ADARB2: variants seen among roughly 807,000 people sequenced by gnomAD.
ADARB2 encodes the protein adenosine deaminase RNA specific B2 (inactive).
In ADARB2, 25 loss-of-function variants were observed where a neutral mutation model predicts 62.2. The observed-to-expected ratio is 0.40, with a 90% CI of 0.29 to 0.56. The LOEUF is 0.56. Ranked by LOEUF, ADARB2 falls within the 20% of genes least tolerant of loss-of-function variation. The pLI, the probability that ADARB2 is intolerant of heterozygous loss-of-function variation, is 0.43. For missense variants in ADARB2, 1,071 were observed against 1,077.4 expected, an observed-to-expected ratio of 0.99 and a Z score of 0.08; for synonymous variants, 572 against 500.8, an observed-to-expected ratio of 1.14 and a Z score of -1.90.
At chr10:1,333,056 C>G (rs931357764) in intron 3 of ADARB2, among the ~76,000 whole-genome samples, 4 of 152,198 alleles carry the variant, frequency 2.6e-5, no homozygotes, top group Admixed American at 2.0e-4. Flanking sequence ...ACTCCAATTG[C>G]AAGTGGCCAT....
At chr10:1,429,091 G>T (rs1237781552) in intron 1 of ADARB2, among the ~76,000 whole-genome samples, 3 of 152,138 alleles carry the variant, frequency 2.0e-5, no homozygotes, top group African/African-American at 7.2e-5. Flanking sequence ...TCTATATTCT[G>T]GTTGTGATGG....
chr10:1,663,662 C>T (rs899408300), intron 1 of ADARB2, among the ~76,000 whole-genome samples: 5 of 152,038 alleles, frequency 3.3e-5, no homozygotes, highest in Non-Finnish European at 7.4e-5. Flanking sequence ...CTCTGTCACC[C>T]AGGCTAGAGT....
At chr10:1,425,576 G>A (rs1402926291) in intron 1 of ADARB2, among the ~76,000 whole-genome samples, 6 of 152,186 alleles carry the variant, frequency 3.9e-5, no homozygotes, top group Non-Finnish European at 7.3e-5. Flanking sequence ...GGAGCACCGC[G>A]GTGTGGGAGC....
chr10:1,551,827 A>C (rs10903481), intron 1 of ADARB2, among the ~76,000 whole-genome samples: 87,499 of 152,086 alleles, frequency 0.58, 25,528 homozygotes, highest in East Asian at 0.76. Context: ...CAATGTACCA[A>C]ATAGACAGGT....
intron 3 of ADARB2, among the ~76,000 whole-genome samples, chr10:1,280,417 G>A (rs1257194721): frequency 6.6e-6 from 1 of 152,204 alleles, no homozygotes; most frequent in Non-Finnish European, 1.5e-5. Flanking sequence ...ACATGCAGGT[G>A]TGGACTATCC....
intron 1 of ADARB2, among the ~76,000 whole-genome samples, chr10:1,693,423 TCC>T: frequency 1.3e-5 from 2 of 152,152 alleles, no homozygotes; most frequent in Non-Finnish European, 2.9e-5. Flanking sequence ...TGTCATCTTC[TCC>T]TCTCTCGTTT....
chr10:1,248,609 G>T (rs184516962), intron 4 of ADARB2, among the ~76,000 whole-genome samples: 2 of 152,360 alleles, frequency 1.3e-5, no homozygotes, highest in Non-Finnish European at 1.5e-5. Flanking sequence ...GGATGGGGCG[G>T]CTGTGGTGCC....
At chr10:1,518,949 G>T (rs1318882857) in intron 1 of ADARB2, among the ~76,000 whole-genome samples, 1 of 151,442 alleles carries the variant, frequency 6.6e-6, no homozygotes, top group African/African-American at 2.4e-5. Context: ...GTGGTCATAC[G>T]CATGCATTCC....
At chr10:1,537,607 A>G (rs113663785) in intron 1 of ADARB2, among the ~76,000 whole-genome samples, 2,912 of 152,392 alleles carry the variant, frequency 0.019, 83 homozygotes, top group African/African-American at 0.066. Context: ...CATGGCATAT[A>G]TACAGCATGG....
At chr10:1,481,878 AG>A (rs1287778053) in intron 1 of ADARB2, among the ~76,000 whole-genome samples, 3 of 151,346 alleles carry the variant, frequency 2.0e-5, no homozygotes, top group African/African-American at 7.3e-5. Flanking sequence ...AAAAGAGAAT[AG>A]AAAAGAAATA....
chr10:1,724,855 G>A (rs1269278995), intron 1 of ADARB2, among the ~76,000 whole-genome samples: 1 of 152,166 alleles, frequency 6.6e-6, no homozygotes, highest in Non-Finnish European at 1.5e-5. Context: ...TGCCTGATGA[G>A]GGGCCACAGG....
intron 2 of ADARB2, among the ~76,000 whole-genome samples, chr10:1,374,537 C>G (rs1321214999): frequency 6.6e-6 from 1 of 152,208 alleles, no homozygotes; most frequent in Non-Finnish European, 1.5e-5. Flanking sequence ...TTGTGCAAAG[C>G]CGGATGGCCT....
intron 3 of ADARB2, among the ~76,000 whole-genome samples, chr10:1,298,720 ATTTTTTTTTTTT>A (rs75978268): frequency 3.6e-5 from 4 of 110,766 alleles, no homozygotes; most frequent in South Asian, 2.6e-4. Flanking sequence ...TGCGACGGGA[ATTTTTTTTTTTT>A]TTTTTTTTTT....
At chr10:1,212,773 T>C (rs1181902795) in intron 7 of ADARB2, among the ~76,000 whole-genome samples, 1 of 151,744 alleles carries the variant, frequency 6.6e-6, no homozygotes, top group African/African-American at 2.4e-5. Flanking sequence ...CAAGTGGCCC[T>C]GAGTCCACCC....
chr10:1,233,719 G>A lies in ADARB2; in HGVS notation c.1488C>T (p.His496=), dbSNP rs768131113. ...STSPCGDARL[H]SPYEITTDLH... The stretch of plus-strand genomic sequence containing the variant: ...GGTCTGTGGTGATCTCGTAGGGAGA[G>A]TGGAGTCTTGCGTCTCCACAGGGGG... The change falls in exon 6 of 10, where the codon CAC becomes CAT. Residue 496 remains histidine, a synonymous_variant. Coordinates refer to ENST00000381312, the MANE Select transcript of ADARB2 (RefSeq NM_018702.4). The A allele has an allele frequency of 1.9e-6, 3 of 1,613,748 alleles. No individual in the cohort carries two copies.
At chr10:1,512,318 C>A (rs986003634) in intron 1 of ADARB2, among the ~76,000 whole-genome samples, 3 of 152,044 alleles carry the variant, frequency 2.0e-5, no homozygotes, top group Non-Finnish European at 4.4e-5. Flanking sequence ...GATACCAAGA[C>A]ATTGATGCTG....
intron 1 of ADARB2, among the ~76,000 whole-genome samples, chr10:1,531,998 T>C (rs979652043): frequency 1.7e-4 from 26 of 152,212 alleles, no homozygotes; most frequent in African/African-American, 5.1e-4. Flanking sequence ...TCCGGTATTG[T>C]AGGCTGCAAA....
chr10:1,614,096 A>T (rs1191380425), intron 1 of ADARB2, among the ~76,000 whole-genome samples: 1 of 152,210 alleles, frequency 6.6e-6, no homozygotes, highest in Non-Finnish European at 1.5e-5. Flanking sequence ...ACACACAGAC[A>T]GCCTGAAAAC....
At chr10:1,191,188 C>T (rs944109499) in intron 8 of ADARB2, among the ~76,000 whole-genome samples, 1 of 152,238 alleles carries the variant, frequency 6.6e-6, no homozygotes, top group Non-Finnish European at 1.5e-5. Flanking sequence ...TACTTCTCCC[C>T]GCATCTGTTT....
Sources: allele counts gnomAD v4.1 joint callset (sites outside exome capture counted in the v4.1 genomes callset), GRCh38; gene constraint gnomAD v4.1.1; transcripts MANE v1.5; gene names NCBI Gene and HGNC (gene_info 2026-07-23, HGNC 2026-07-21).